MCC: variants seen among roughly 807,000 people sequenced by gnomAD.
MCC encodes the protein MCC regulator of Wnt signaling pathway, also known as colorectal mutant cancer protein.
MCC carries 90 observed loss-of-function variants against 116.2 expected under a neutral mutation model. The observed-to-expected ratio is 0.77, with a 90% CI of 0.65 to 0.92. The LOEUF is 0.92. Ranked by LOEUF, MCC falls within the 40% of genes least tolerant of loss-of-function variation. The pLI is 0.00. For synonymous variants in MCC, 578 were observed against 510.5 expected, an observed-to-expected ratio of 1.13 and a Z score of -1.78; for missense variants, 1,516 against 1,312.2, an observed-to-expected ratio of 1.16 and a Z score of -2.40.
chr5:113,330,650 C>T (rs954709507), intron 3 of MCC, among the ~76,000 whole-genome samples: 1 of 152,052 alleles, frequency 6.6e-6, no homozygotes, highest in Non-Finnish European at 1.5e-5. Context: ...TATTCTGTGA[C>T]GAAAACCCCT....
chr5:113,140,217 T>C (rs1759097132), intron 5 of MCC, among the ~76,000 whole-genome samples: 1 of 151,978 alleles, frequency 6.6e-6, no homozygotes, highest in Non-Finnish European at 1.5e-5. Context: ...ATGAATGAAG[T>C]AGGAATGGGA....
At chr5:113,122,854 C>T (rs755970524) in intron 5 of MCC, 28 bp from the exon 6 acceptor site, 5 of 1,612,502 alleles carry the variant, frequency 3.1e-6, no homozygotes, top group South Asian at 1.1e-5. Context: ...TTGGCAACCA[C>T]TAACAGAGGA....
At chr5:113,270,368 C>T in intron 3 of MCC, among the ~76,000 whole-genome samples, 1 of 152,016 alleles carries the variant, frequency 6.6e-6, no homozygotes, top group East Asian at 1.9e-4. Flanking sequence ...CCTGTGCTGA[C>T]TTCGGTGGCT....
At chr5:113,171,083 C>CAAAAAA (rs2150303469) in intron 3 of MCC, among the ~76,000 whole-genome samples, 1 of 152,076 alleles carries the variant, frequency 6.6e-6, no homozygotes, top group East Asian at 1.9e-4. Context: ...GCCCTCCACA[C>CAAAAAA]AAAAATTTGA....
intron 3 of MCC, among the ~76,000 whole-genome samples, chr5:113,161,600 G>A (rs1255168495): frequency 6.6e-6 from 1 of 151,000 alleles, no homozygotes; most frequent in Non-Finnish European, 1.5e-5. Context: ...GTTTGGGAAA[G>A]CAAATGGAGG....
chr5:113,255,952 T>C lies in MCC; in HGVS notation c.627+84567A>G, dbSNP rs1764988126. On this transcript the variant is annotated intron_variant, in intron 3 of 18. Transcript: ENST00000408903. ...AAATCCTAAAATCCAAAAGCGCTTATTTGATCTGATTCAGCCACATCAACA... is the reference window on the plus strand; with the variant it reads ...AAATCCTAAAATCCAAAAGCGCTTACTTGATCTGATTCAGCCACATCAACA... Among the ~76,000 whole-genome samples, 5 of 152,228 alleles carry C rather than the reference T, an allele frequency of 3.3e-5. No homozygotes were observed. In the South Asian group the frequency reaches 1.0e-3, roughly 32 times the overall value.
chr5:113,171,943 C>T (rs886666697), intron 3 of MCC, among the ~76,000 whole-genome samples: 4 of 152,182 alleles, frequency 2.6e-5, no homozygotes, highest in Non-Finnish European at 4.4e-5. Context: ...AGCAAACCAT[C>T]AGTGCCATGT....
intron 13 of MCC, among the ~76,000 whole-genome samples, chr5:113,064,614 G>C (rs1011527640): frequency 1.3e-5 from 2 of 152,208 alleles, no homozygotes; most frequent in Admixed American, 1.3e-4. Context: ...CTACAGCTTT[G>C]GTTAGAGCCC....
intron 1 of MCC, among the ~76,000 whole-genome samples, chr5:113,407,681 A>G (rs1327331323): frequency 6.6e-6 from 1 of 152,152 alleles, no homozygotes; most frequent in East Asian, 1.9e-4. Context: ...CAGAATGTGC[A>G]GGTTTGTTAC....
intron 14 of MCC, among the ~76,000 whole-genome samples, chr5:113,055,525 G>C (rs1181429419): frequency 6.6e-6 from 1 of 152,196 alleles, no homozygotes. Context: ...CTAGGGCTTG[G>C]GGTGGTCTTC....
intron 2 of MCC, among the ~76,000 whole-genome samples, chr5:113,346,212 G>A (rs953661442): frequency 1.9e-4 from 29 of 152,062 alleles, no homozygotes; most frequent in African/African-American, 5.6e-4. Flanking sequence ...AATGAAGCAC[G>A]CCTACAAGAT....
At chr5:113,142,965 T>C (rs897099127) in intron 5 of MCC, among the ~76,000 whole-genome samples, 20 of 152,266 alleles carry the variant, frequency 1.3e-4, no homozygotes, top group Admixed American at 2.6e-4. Context: ...AACCTCCACC[T>C]TGTCTACTTT....
chr5:113,087,448 G>A (rs941443979), intron 8 of MCC, among the ~76,000 whole-genome samples: 2 of 152,174 alleles, frequency 1.3e-5, no homozygotes, highest in Non-Finnish European at 2.9e-5. Context: ...TGCTGATGAA[G>A]GATTACAGGA....
chr5:113,151,271 AAAC>A (rs759606541), intron 4 of MCC, 35 bp downstream of exon 4: 37 of 1,305,210 alleles, frequency 2.8e-5, no homozygotes, highest in Non-Finnish European at 4.0e-5. Context: ...TTAAAACAAA[AAAC>A]AAAAGCAAAC....
At chr5:113,222,176 G>C (rs1310788762) in intron 3 of MCC, among the ~76,000 whole-genome samples, 2 of 152,050 alleles carry the variant, frequency 1.3e-5, no homozygotes, top group East Asian at 3.8e-4. Context: ...TATTTATTAA[G>C]ATTCTTGTAT....
chr5:113,474,872 T>C (rs1772196114), intron 1 of MCC, among the ~76,000 whole-genome samples: 2 of 152,220 alleles, frequency 1.3e-5, no homozygotes, highest in South Asian at 4.1e-4. Context: ...TGAAGTAAAG[T>C]CAGCTTAAGA....
chr5:113,412,026 A>T (rs1318916610), intron 1 of MCC, among the ~76,000 whole-genome samples: 1 of 152,108 alleles, frequency 6.6e-6, no homozygotes, highest in African/African-American at 2.4e-5. Context: ...CATTAAATAC[A>T]AAATCCTTTC....
At chr5:113,126,454 G>T (rs1330114950) in intron 5 of MCC, among the ~76,000 whole-genome samples, 2 of 151,980 alleles carry the variant, frequency 1.3e-5, no homozygotes, top group East Asian at 1.9e-4. Flanking sequence ...CTTGACCTTT[G>T]AACAACATGT....
rs141317131 is a variant in MCC at position 113,077,436 on chromosome 5, T to C, written c.1784+5424A>G. 4.8e-3 allele frequency among the ~76,000 whole-genome samples: 729 copies of C among 152,226 alleles called. 15 individuals carry two copies. In the East Asian group the frequency reaches 0.056, roughly 12 times the overall value. ...GCACTCCTCAGCAAATGGAAAAGAA[T>C]AGAAATTATAACAAACTGTCTCTCA... On this transcript the variant is annotated intron_variant, in intron 11 of 18. Transcript: ENST00000408903.
Sources: gnomAD v4.1 joint callset for allele counts (sites outside exome capture counted in the v4.1 genomes callset) on GRCh38, gnomAD v4.1.1 for gene constraint, MANE v1.5 for transcripts, NCBI Gene and HGNC (gene_info 2026-07-23, HGNC 2026-07-21) for gene names.